The following KYNU variants were observed in gnomAD, a reference collection of about 807,000 sequenced individuals.
The protein encoded by KYNU is L-kynurenine hydrolase.
In KYNU, 54 loss-of-function variants were observed where a neutral mutation model predicts 59.2. The ratio of observed to expected loss-of-function variants is 0.91; its 90% CI spans 0.73 to 1.14. KYNU has a LOEUF of 1.14. Ranked by LOEUF, KYNU falls within the 50% of genes most tolerant of loss-of-function variation. The pLI is 0.00. For missense variants in KYNU, 567 were observed against 554.4 expected, an observed-to-expected ratio of 1.02 and a Z score of -0.23; for synonymous variants, 177 against 192.0, an observed-to-expected ratio of 0.92 and a Z score of 0.65.
At chr2:142,990,695 C>T (rs989535970) in intron 10 of KYNU, among the ~76,000 whole-genome samples, 5 of 151,890 alleles carry the variant, frequency 3.3e-5, no homozygotes, top group African/African-American at 4.8e-5. Context: ...CTAAAATGCA[C>T]ATTTCCCTTG....
At chr2:142,906,476 C>T (rs1682302063) in intron 2 of KYNU, among the ~76,000 whole-genome samples, 1 of 152,102 alleles carries the variant, frequency 6.6e-6, no homozygotes, top group Non-Finnish European at 1.5e-5. Context: ...CACATAACTG[C>T]CCATGTCAAA....
intron 10 of KYNU, among the ~76,000 whole-genome samples, chr2:143,007,000 C>T (rs935503913): frequency 1.3e-5 from 2 of 152,138 alleles, no homozygotes; most frequent in East Asian, 1.9e-4. Context: ...CGCAGAGCGT[C>T]TCTCCTCCTC....
chr2:143,055,137 T>C lies in KYNU; in HGVS notation c.*12965T>C, dbSNP rs531369135. Reference sequence around the variant, plus strand: ...ACTAAAAAGGTGTAGTATTCTTCTATGGCTGCTATAACAAATGACCAAAAA... The same window carrying C: ...ACTAAAAAGGTGTAGTATTCTTCTACGGCTGCTATAACAAATGACCAAAAA... On this transcript the variant is annotated 3_prime_UTR_variant, in exon 14 of 14. Coordinates refer to ENST00000264170, the MANE Select transcript of KYNU (RefSeq NM_003937.3). 2.0e-4 allele frequency: 31 copies of C among 152,306 alleles called. No individual in the cohort carries two copies. The highest frequency in any genetic ancestry group is 3.5e-4 in the Non-Finnish European group (24 of 68,028). The allele number at this position is 152,306 out of a possible 1,614,324, so 9.4% of individuals were successfully genotyped here. A position where few individuals can be genotyped will look rare whatever the true frequency, so the allele number is the denominator to read the frequency against.
intron 10 of KYNU, among the ~76,000 whole-genome samples, chr2:142,992,568 T>C (rs1685429838): frequency 1.3e-5 from 2 of 151,952 alleles, no homozygotes; most frequent in South Asian, 4.1e-4. Flanking sequence ...AGTGGTTTTT[T>C]CATATTTTCA....
At chr2:142,883,284 C>G (rs533146994) in intron 1 of KYNU, among the ~76,000 whole-genome samples, 3 of 150,302 alleles carry the variant, frequency 2.0e-5, no homozygotes, top group African/African-American at 2.5e-5. Flanking sequence ...GGCTCCACCC[C>G]CCGGGGTTCA....
At chr2:143,001,976 A>G (rs1035760168) in intron 10 of KYNU, among the ~76,000 whole-genome samples, 2 of 152,178 alleles carry the variant, frequency 1.3e-5, no homozygotes, top group African/African-American at 4.8e-5. Context: ...AGGAGCCAAT[A>G]ATTTGATTCG....
intron 10 of KYNU, among the ~76,000 whole-genome samples, chr2:143,028,272 G>T (rs1378388610): frequency 1.8e-5 from 2 of 108,710 alleles, no homozygotes; most frequent in Admixed American, 2.6e-4. Flanking sequence ...TTGAGATGGA[G>T]TCTCACTCTG....
intron 2 of KYNU, among the ~76,000 whole-genome samples, chr2:142,906,599 T>C (rs1682306300): frequency 6.6e-6 from 1 of 152,002 alleles, no homozygotes; most frequent in Admixed American, 6.6e-5. Context: ...AGATACAACC[T>C]ACTCTAATAC....
intron 11 of KYNU, among the ~76,000 whole-genome samples, chr2:143,030,022 G>C (rs1373014152): frequency 6.6e-6 from 1 of 152,154 alleles, no homozygotes; most frequent in Non-Finnish European, 1.5e-5. Context: ...AGAAAGACCT[G>C]GGTGTTAATC....
At chr2:142,961,651 G>A (rs142333936) in intron 8 of KYNU, among the ~76,000 whole-genome samples, 2 of 151,994 alleles carry the variant, frequency 1.3e-5, no homozygotes, top group African/African-American at 4.8e-5. Flanking sequence ...TGTAATGAGA[G>A]CTTTTTTTCC....
intron 2 of KYNU, among the ~76,000 whole-genome samples, chr2:142,890,209 G>A (rs577427752): frequency 6.6e-6 from 1 of 152,126 alleles, no homozygotes; most frequent in Non-Finnish European, 1.5e-5. Flanking sequence ...AAAAAGAAAA[G>A]CAAGAGAAAT....
intron 8 of KYNU, among the ~76,000 whole-genome samples, chr2:142,972,360 T>G (rs1684750587): frequency 6.6e-6 from 1 of 152,124 alleles, no homozygotes; most frequent in South Asian, 2.1e-4. Context: ...CACCTTTCCC[T>G]TAAATTTCAT....
At chr2:142,913,415 A>T (rs1033519582) in intron 2 of KYNU, among the ~76,000 whole-genome samples, 2 of 151,440 alleles carry the variant, frequency 1.3e-5, no homozygotes, top group African/African-American at 2.4e-5. Flanking sequence ...TTTATTTCAA[A>T]TTTTTTTTTG....
Position 142,918,116 on chromosome 2 carries a change from T to C in KYNU, c.170-493T>C, listed in dbSNP as rs796083333. ...AGTACTATGTGTACGTGTGTATGGA[T>C]ATAGAATGAAAAAAACCGCATAAAT... On this transcript the variant is annotated intron_variant, in intron 2 of 13. Coordinates refer to ENST00000264170, the MANE Select transcript of KYNU (RefSeq NM_003937.3). Among the ~76,000 whole-genome samples the C allele has an allele frequency of 6.6e-5, 10 of 152,178 alleles. No homozygotes were observed. The South Asian group carries it at 2.1e-3, about 31-fold the overall frequency.
intron 4 of KYNU, among the ~76,000 whole-genome samples, chr2:142,951,368 A>G (rs545953416): frequency 1.3e-5 from 2 of 152,276 alleles, no homozygotes; most frequent in South Asian, 2.1e-4. Context: ...ACCAGCCTGG[A>G]CATGGTAAAA....
At chr2:142,966,862 A>C (rs1047777571) in intron 8 of KYNU, among the ~76,000 whole-genome samples, 16 of 152,094 alleles carry the variant, frequency 1.1e-4, no homozygotes, top group Non-Finnish European at 1.2e-4. Context: ...AAAAAATTGG[A>C]CTATCCAGGC....
At chr2:142,989,336 T>C (rs773585902) in intron 10 of KYNU, 240 of 1,014,362 alleles carry the variant, frequency 2.4e-4, no homozygotes, top group Non-Finnish European at 2.8e-4. Flanking sequence ...TTTTCTGTTC[T>C]CTTAGAGCTT....
chr2:142,938,755 TA>T lies in KYNU; in HGVS notation c.373+11021del, dbSNP rs199770277. On this transcript the variant is annotated intron_variant, in intron 4 of 13. Transcript: ENST00000264170. ...CATCCATGTTGTGTGGAAAATTTTTTAAAAAAAGAAAAAAGAAATCTGTTTT... is the reference window on the plus strand; with the variant it reads ...CATCCATGTTGTGTGGAAAATTTTTTAAAAAAGAAAAAAGAAATCTGTTTT... Among the ~76,000 whole-genome samples the T allele has an allele frequency of 7.6e-3, 1,158 of 152,100 alleles. 7 individuals carry two copies. Among genetic ancestry groups the T allele is most frequent in the African/African-American group, 0.027 (1,109 of 41,500 alleles).
intron 4 of KYNU, among the ~76,000 whole-genome samples, chr2:142,931,049 G>T (rs1683194337): frequency 1.3e-5 from 2 of 152,208 alleles, no homozygotes; most frequent in Non-Finnish European, 2.9e-5. Flanking sequence ...GTACCTGGAT[G>T]GCCTCTTTCT....
Sources: gnomAD v4.1 joint callset for allele counts (sites outside exome capture counted in the v4.1 genomes callset) on GRCh38, gnomAD v4.1.1 for gene constraint, MANE v1.5 for transcripts, NCBI Gene and HGNC (gene_info 2026-07-23, HGNC 2026-07-21) for gene names.